CADM2: variants seen among roughly 807,000 people sequenced by gnomAD.
CADM2 encodes the protein immunoglobulin superfamily member 4D.
Under a neutral mutation model 49.8 loss-of-function variants are expected in CADM2, and 12 were observed. The observed-to-expected ratio is 0.24, with a 90% confidence interval of 0.15 to 0.39. CADM2 has a LOEUF of 0.39. Ranked by LOEUF, CADM2 falls within the 10% of genes least tolerant of loss-of-function variation. The pLI, the probability that CADM2 is intolerant of heterozygous loss-of-function variation, is 1.00. For missense variants in CADM2, 378 were observed against 492.3 expected (o/e 0.77, Z 2.20); for synonymous variants, 214 against 175.4 (o/e 1.22, Z -1.74).
At chr3:85,493,397 T>C (rs2039757585) in intron 1 of CADM2, among the ~76,000 whole-genome samples, 1 of 151,850 alleles carries the variant, frequency 6.6e-6, no homozygotes, top group Admixed American at 6.6e-5. Context: ...ATGAATACTC[T>C]ATGAAATAAA....
chr3:85,215,592 C>T (rs1475879852), intron 1 of CADM2, among the ~76,000 whole-genome samples: 2 of 151,964 alleles, frequency 1.3e-5, no homozygotes, highest in African/African-American at 4.8e-5. Flanking sequence ...GCTGGTGTCT[C>T]ACTCTGTCAG....
intron 1 of CADM2, among the ~76,000 whole-genome samples, chr3:85,410,985 C>T (rs1400923372): frequency 1.3e-5 from 2 of 152,194 alleles, no homozygotes; most frequent in Admixed American, 1.3e-4. Flanking sequence ...TAACAACATC[C>T]TATTCAAAGG....
chr3:85,434,380 T>A (rs2036829775), intron 1 of CADM2, among the ~76,000 whole-genome samples: 3 of 151,952 alleles, frequency 2.0e-5, no homozygotes, highest in African/African-American at 7.2e-5. Context: ...ACTTATTAAC[T>A]TTTATTAGTT....
chr3:85,098,982 C>T (rs2037911083), intron 1 of CADM2, among the ~76,000 whole-genome samples: 1 of 152,122 alleles, frequency 6.6e-6, no homozygotes, highest in Admixed American at 6.6e-5. Flanking sequence ...TACCCATAAC[C>T]CACCTACCTG....
intron 1 of CADM2, among the ~76,000 whole-genome samples, chr3:85,338,966 AT>A (rs1290792073): frequency 6.6e-6 from 1 of 151,542 alleles, no homozygotes; most frequent in East Asian, 1.9e-4. Context: ...TTTCCACTTA[AT>A]AAAACTAGAT....
In CADM2 at chr3:86,067,605, A is replaced by G. The variant is rs1367885911; in HGVS notation, c.*822A>G. 1 of 152,540 alleles carries G rather than the reference A, an allele frequency of 6.6e-6. No homozygotes were observed. The highest frequency in any genetic ancestry group is 1.9e-4 in the East Asian group (1 of 5,202). The allele number at this position is 152,540 out of a possible 1,614,324, so 9.4% of individuals were successfully genotyped here. ...TTGCTTCATAAAGATTCACCTGCCT[A>G]AACAATATTGAAGTATCCATAGGGC... On this transcript the variant is annotated 3_prime_UTR_variant, in exon 10 of 10. Transcript: ENST00000383699.
chr3:85,600,316 G>A (rs905935608), intron 1 of CADM2, among the ~76,000 whole-genome samples: 2 of 151,938 alleles, frequency 1.3e-5, no homozygotes, highest in Non-Finnish European at 2.9e-5. Flanking sequence ...ATTCAATGAA[G>A]CACCTATAAC....
At chr3:85,893,926 G>C (rs1006586407) in intron 5 of CADM2, among the ~76,000 whole-genome samples, 1 of 152,214 alleles carries the variant, frequency 6.6e-6, no homozygotes, top group Admixed American at 6.5e-5. Flanking sequence ...AACCGTTGTG[G>C]AAGTCAGTGT....
chr3:85,830,047 C>T (rs1271298457), intron 3 of CADM2, among the ~76,000 whole-genome samples: 2 of 151,948 alleles, frequency 1.3e-5, no homozygotes, highest in Non-Finnish European at 2.9e-5. Context: ...AGATTGCTGA[C>T]CCATAGGGTA....
intron 3 of CADM2, among the ~76,000 whole-genome samples, chr3:85,843,185 T>C (rs993088614): frequency 6.6e-6 from 1 of 152,152 alleles, no homozygotes; most frequent in Admixed American, 6.6e-5. Context: ...ACTAAGATTC[T>C]TTCAGTTTTG....
At chr3:85,882,222 G>A (rs1712919155) in intron 3 of CADM2, among the ~76,000 whole-genome samples, 1 of 135,136 alleles carries the variant, frequency 7.4e-6, no homozygotes, top group South Asian at 2.5e-4. Context: ...TATCTGCTCA[G>A]AACCTCTAGA....
At chr3:86,040,702 C>T (rs574236518) in intron 8 of CADM2, among the ~76,000 whole-genome samples, 4 of 152,234 alleles carry the variant, frequency 2.6e-5, no homozygotes, top group Admixed American at 6.5e-5. Context: ...GCAAGACAGG[C>T]CAACATTCAG....
intron 8 of CADM2, among the ~76,000 whole-genome samples, chr3:86,003,753 G>C (rs1730452525): frequency 6.6e-6 from 1 of 152,128 alleles, no homozygotes; most frequent in Non-Finnish European, 1.5e-5. Flanking sequence ...GTCACACTAA[G>C]TTAGAGGCAA....
At chr3:85,319,542 CTAAATGCCCATCAATGGCAGA>C (rs1226986948) in intron 1 of CADM2, among the ~76,000 whole-genome samples, 1 of 152,118 alleles carries the variant, frequency 6.6e-6, no homozygotes, top group Non-Finnish European at 1.5e-5. Context: ...GGGAATCAAC[CTAAATGCCCATCAATGGCAGA>C]TCGGATAAAG....
intron 1 of CADM2, among the ~76,000 whole-genome samples, chr3:85,293,309 C>A (rs1327970636): frequency 6.6e-6 from 1 of 151,442 alleles, no homozygotes; most frequent in Non-Finnish European, 1.5e-5. Flanking sequence ...GCTTACCCAC[C>A]AAAAAGAGTC....
At chr3:85,188,399 C>T (rs902682479) in intron 1 of CADM2, among the ~76,000 whole-genome samples, 45 of 152,128 alleles carry the variant, frequency 3.0e-4, no homozygotes, top group Middle Eastern at 3.4e-3. Flanking sequence ...CATGTAGGTA[C>T]TCAAAAAGTA....
intron 1 of CADM2, among the ~76,000 whole-genome samples, chr3:85,276,109 TGATAA>T (rs2043351060): frequency 6.6e-6 from 1 of 151,292 alleles, no homozygotes; most frequent in African/African-American, 2.4e-5. Flanking sequence ...TATAATAAAC[TGATAA>T]GATATGTAAT....
At chr3:86,012,710 C>T in intron 8 of CADM2, 2 of 1,059,998 alleles carry the variant, frequency 1.9e-6, no homozygotes, top group Non-Finnish European at 2.9e-6. Context: ...ACCTGATCGG[C>T]TGGGCGCGTT....
At chr3:86,008,712 G>C (rs1017221119) in intron 8 of CADM2, among the ~76,000 whole-genome samples, 3 of 151,852 alleles carry the variant, frequency 2.0e-5, no homozygotes, top group Non-Finnish European at 4.4e-5. Context: ...CTTTTTTCTA[G>C]TTCAAAAACT....
Sources: allele counts gnomAD v4.1 joint callset (sites outside exome capture counted in the v4.1 genomes callset), GRCh38; gene constraint gnomAD v4.1.1; transcripts MANE v1.5; gene names NCBI Gene and HGNC (gene_info 2026-07-23, HGNC 2026-07-21).